Variants in PCNX2 observed in about 807,000 individuals in gnomAD.
PCNX2 encodes the protein pecanex 2.
In PCNX2, 168 loss-of-function variants were observed where a neutral mutation model predicts 223.8. The ratio of observed to expected loss-of-function variants is 0.75; its 90% confidence interval spans 0.66 to 0.85. PCNX2 has a LOEUF of 0.85. Among genes scored for constraint, PCNX2 ranks in the 40% least tolerant of loss-of-function variants. PCNX2 has a pLI of 0.00. For synonymous variants in PCNX2, 1,006 were observed against 1,052.6 expected, an observed-to-expected ratio of 0.96 and a Z score of 0.86; for missense variants, 2,507 against 2,675.5, an observed-to-expected ratio of 0.94 and a Z score of 1.39.
chr1:233,200,340 T>C, intron 13 of PCNX2, 76 bp from the exon 14 acceptor site: 1 of 841,192 alleles, frequency 1.2e-6, no homozygotes, highest in Non-Finnish European at 1.8e-6. Flanking sequence ...GTGCTGTCTC[T>C]CTCCCCTTCC....
rs1657102502 is a variant in PCNX2, at chr1:233,218,127, G to A, written c.2562C>T (p.Leu854=). The A allele has an allele frequency of 4.5e-6, 7 of 1,540,450 alleles. No homozygotes were observed. The highest frequency in any genetic ancestry group is 5.2e-6 in the Non-Finnish European group (6 of 1,143,440). The change falls in exon 11 of 34, where the codon CTC becomes CTT. Residue 854 remains leucine, a synonymous_variant. Coordinates refer to ENST00000258229, the MANE Select transcript of PCNX2 (RefSeq NM_014801.4). The part of the protein sequence containing the change: ...LAILLIVLVS[L]LGFLTLSQGF... ...CTTGGCTCAAGGTCAGAAATCCAAG[G>A]AGGGAAACCAGGACAATGAGTAAAA...
chr1:233,162,644 T>C (rs1247730800), intron 17 of PCNX2, among the ~76,000 whole-genome samples: 3 of 152,236 alleles, frequency 2.0e-5, no homozygotes, highest in Non-Finnish European at 4.4e-5. Context: ...ACAGGCCATA[T>C]ATTGCTTCCT....
chr1:233,017,690 C>T (rs757852682), intron 26 of PCNX2, among the ~76,000 whole-genome samples: 1 of 150,970 alleles, frequency 6.6e-6, no homozygotes, highest in East Asian at 2.0e-4. Context: ...GATAGTATCA[C>T]TTGTATTTTC....
chr1:233,297,709 A>G (rs1662197461), upstream of PCNX2, among the ~76,000 whole-genome samples: 1 of 152,188 alleles, frequency 6.6e-6, no homozygotes, highest in South Asian at 2.1e-4. Flanking sequence ...TAATGAGATA[A>G]GCAAAGGTCA....
chr1:233,133,167 A>G (rs149369233), intron 21 of PCNX2, among the ~76,000 whole-genome samples: 3,014 of 152,164 alleles, frequency 0.02, 38 homozygotes, highest in East Asian at 0.051. Flanking sequence ...CCAAAGTGCT[A>G]GGATTACAGG....
intron 15 of PCNX2, among the ~76,000 whole-genome samples, chr1:233,190,411 C>G (rs567917347): frequency 1.3e-5 from 2 of 152,160 alleles, no homozygotes; most frequent in African/African-American, 4.8e-5. Context: ...ATAGGTGCTG[C>G]ATCTTCAAGT....
At chr1:233,202,117 C>T (rs756879509) in intron 13 of PCNX2, 8 of 453,636 alleles carry the variant, frequency 1.8e-5, no homozygotes, top group Admixed American at 1.3e-4. Flanking sequence ...TTGCAGTGAA[C>T]GTGAAGGAAA....
chr1:233,032,714 A>G (rs1671313544), intron 25 of PCNX2, among the ~76,000 whole-genome samples: 1 of 152,094 alleles, frequency 6.6e-6, no homozygotes, highest in African/African-American at 2.4e-5. Context: ...ATTTCTGACC[A>G]TCTGAGTGAA....
intron 23 of PCNX2, among the ~76,000 whole-genome samples, chr1:233,081,514 G>T (rs1003720714): frequency 6.6e-6 from 1 of 152,150 alleles, no homozygotes; most frequent in Non-Finnish European, 1.5e-5. Context: ...GTCTGGAGCT[G>T]TAAGAACCAG....
chr1:232,998,549 G>A (rs937778905), intron 31 of PCNX2, 111 bp from the exon 32 acceptor site: 1 of 1,154,184 alleles, frequency 8.7e-7, no homozygotes, highest in Non-Finnish European at 1.2e-6. Context: ...CTCTCCAGGT[G>A]AGTAGCCCAC....
rs1051915137 is a variant in PCNX2 at position 233,234,982 on chromosome 1, G to A, written c.2358+1863C>T. ...AGCTAGGGCAAATGGCAGGGTCTCC[G>A]GTGGTCAGTGAGTGGCAGATCCAGC... is the stretch of plus-strand genomic sequence containing the variant. On this transcript the variant is annotated intron_variant, in intron 9 of 33. Coordinates refer to ENST00000258229, the MANE Select transcript of PCNX2 (RefSeq NM_014801.4). Among the ~76,000 whole-genome samples, 46 of 152,126 alleles carry A rather than the reference G, an allele frequency of 3.0e-4. 1 individual carries two copies. Among genetic ancestry groups the A allele is most frequent in the Middle Eastern group, 3.4e-3 (1 of 292 alleles).
At chr1:233,110,685 G>A (rs760521204) in intron 21 of PCNX2, among the ~76,000 whole-genome samples, 6 of 151,914 alleles carry the variant, frequency 3.9e-5, no homozygotes, top group Middle Eastern at 3.4e-3. Context: ...AGTAAACAAC[G>A]GATTGTGTGT....
intron 12 of PCNX2, among the ~76,000 whole-genome samples, chr1:233,213,486 A>C (rs967971173): frequency 6.6e-6 from 1 of 152,220 alleles, no homozygotes; most frequent in Non-Finnish European, 1.5e-5. Flanking sequence ...TAATACAGCG[A>C]AACTGGGAAT....
At chr1:233,088,910 C>G (rs1673736471) in intron 23 of PCNX2, among the ~76,000 whole-genome samples, 1 of 152,164 alleles carries the variant, frequency 6.6e-6, no homozygotes, top group South Asian at 2.1e-4. Context: ...TCATTTTCTC[C>G]TCACAAGTCT....
At chr1:233,083,620 T>C (rs1558214925) in intron 23 of PCNX2, among the ~76,000 whole-genome samples, 1 of 152,216 alleles carries the variant, frequency 6.6e-6, no homozygotes, top group East Asian at 1.9e-4. Context: ...GAGAGCTCAC[T>C]AAGACTAGTT....
At chr1:233,307,954 G>GT in the PCNX2 span, among the ~76,000 whole-genome samples, 3 of 152,200 alleles carry the variant, frequency 2.0e-5, no homozygotes, top group Non-Finnish European at 4.4e-5. Context: ...CAACATTCAC[G>GT]TGAGTCTTCT....
chr1:233,250,972 A>G, intron 7 of PCNX2, 140 bp from the exon 8 acceptor site: 1 of 890,930 alleles, frequency 1.1e-6, no homozygotes, highest in Non-Finnish European at 1.6e-6. Context: ...TCCATTCTTT[A>G]TATTTCTGCA....
chr1:233,193,566 C>T (rs997268039), intron 15 of PCNX2, among the ~76,000 whole-genome samples: 7 of 152,120 alleles, frequency 4.6e-5, no homozygotes, highest in Admixed American at 1.3e-4. Flanking sequence ...ACAAGTGATG[C>T]CAATTCAGAT....
rs138982339 is a variant in PCNX2, at chr1:233,092,959, C to T, written c.3947-2769G>A. ...GTACACAGGCGCCCACTACCATGCCCGGCTAATTTTTTTGTATTTTTAGTA... is the reference window on the plus strand; with the variant it reads ...GTACACAGGCGCCCACTACCATGCCTGGCTAATTTTTTTGTATTTTTAGTA... On this transcript the variant is annotated intron_variant, in intron 22 of 33. Transcript: ENST00000258229. 5.3e-3 allele frequency among the ~76,000 whole-genome samples: 799 copies of T among 152,158 alleles called. 3 individuals are homozygous for T. The highest frequency in any genetic ancestry group is 0.017 in the African/African-American group (715 of 41,532).
Sources: gnomAD v4.1 joint callset for allele counts (sites outside exome capture counted in the v4.1 genomes callset) on GRCh38, gnomAD v4.1.1 for gene constraint, MANE v1.5 for transcripts, NCBI Gene and HGNC (gene_info 2026-07-23, HGNC 2026-07-21) for gene names.